LRP1B: variants seen among roughly 807,000 people sequenced by gnomAD.
The protein encoded by LRP1B is LDL receptor related protein 1B, also known as low-density lipoprotein receptor-related protein 1B.
LRP1B carries 217 observed loss-of-function variants against 556.6 expected under a neutral mutation model. The observed-to-expected ratio is 0.39, with a 90% CI of 0.35 to 0.44. The LOEUF (loss-of-function observed/expected upper bound fraction) is 0.44. Among genes scored for constraint, LRP1B ranks in the 20% least tolerant of loss-of-function variants. The pLI is 1.00. For missense variants in LRP1B, 5,053 were observed against 5,620.8 expected (o/e 0.90, Z 3.23); for synonymous variants, 2,047 against 1,865.8 (o/e 1.10, Z -2.50).
In LRP1B at chr2:140,271,870, C is replaced by T. The variant is rs1337434243; in HGVS notation, c.13143-1524G>A. ...GAGGGACTTTTACTTGTCCTCCATG[C>T]CCAGCCTCTTTGAAAATAATAAAGT... On this transcript the variant is annotated intron_variant, in intron 85 of 90. Coordinates refer to ENST00000389484, the MANE Select transcript of LRP1B (RefSeq NM_018557.3). 4.6e-5 allele frequency among the ~76,000 whole-genome samples: 7 copies of T among 151,740 alleles called. No individual in the cohort carries two copies. The South Asian group carries it at 6.2e-4, about 13-fold the overall frequency.
intron 7 of LRP1B, among the ~76,000 whole-genome samples, chr2:141,114,447 G>C (rs939451914): frequency 6.6e-6 from 1 of 152,116 alleles, no homozygotes; most frequent in African/African-American, 2.4e-5. Context: ...AGGGAAGCTG[G>C]AAAGGGGATG....
intron 3 of LRP1B, among the ~76,000 whole-genome samples, chr2:141,455,223 C>T (rs544518880): frequency 1.3e-5 from 2 of 151,492 alleles, no homozygotes; most frequent in South Asian, 4.2e-4. Flanking sequence ...TGATGTCTAC[C>T]TATCTGAATA....
chr2:140,619,927 T>C (rs114173835), intron 41 of LRP1B, among the ~76,000 whole-genome samples: 6,262 of 152,262 alleles, frequency 0.041, 180 homozygotes, highest in Middle Eastern at 0.082. Flanking sequence ...TAAATAACTA[T>C]TGTATGCCTT....
chr2:141,732,075 C>G (rs1693293955), intron 2 of LRP1B, among the ~76,000 whole-genome samples: 1 of 152,098 alleles, frequency 6.6e-6, no homozygotes, highest in African/African-American at 2.4e-5. Flanking sequence ...TTCAAGGTAA[C>G]CTCATCAACT....
At chr2:141,950,010 G>T (rs2105031697) in intron 1 of LRP1B, among the ~76,000 whole-genome samples, 1 of 152,266 alleles carries the variant, frequency 6.6e-6, no homozygotes, top group South Asian at 2.1e-4. Flanking sequence ...AGAGTTAATA[G>T]ATTGCTAAGG....
At chr2:141,136,853 T>G (rs1021582462) in intron 7 of LRP1B, among the ~76,000 whole-genome samples, 1 of 151,846 alleles carries the variant, frequency 6.6e-6, no homozygotes, top group African/African-American at 2.4e-5. Flanking sequence ...GAGAAGTACA[T>G]GACATGAAGA....
chr2:141,042,876 A>T (rs1308490336), intron 11 of LRP1B, among the ~76,000 whole-genome samples: 2 of 151,868 alleles, frequency 1.3e-5, no homozygotes, highest in Non-Finnish European at 2.9e-5. Flanking sequence ...TAGAGGTCAA[A>T]TTTTGTACTC....
intron 7 of LRP1B, among the ~76,000 whole-genome samples, chr2:141,096,619 G>GGGGAGAGGGAGAGGGAGAGGGAGA (rs1181659892): frequency 5.9e-5 from 2 of 33,996 alleles, no homozygotes; most frequent in African/African-American, 2.1e-4. Flanking sequence ...TGACAAAGAC[G>GGGGAGAGGGAGAGGGAGAGGGAGA]GGGAGAGGGG....
intron 3 of LRP1B, among the ~76,000 whole-genome samples, chr2:141,385,236 AAG>A (rs1277514095): frequency 3.3e-5 from 5 of 152,250 alleles, no homozygotes; most frequent in African/African-American, 1.2e-4. Flanking sequence ...GAAGAGAATC[AAG>A]AGTACACTAC....
chr2:141,068,398 G>A (rs1165636298), intron 7 of LRP1B, among the ~76,000 whole-genome samples: 4 of 151,778 alleles, frequency 2.6e-5, no homozygotes, highest in East Asian at 2.0e-4. Flanking sequence ...TTGAGGAGGC[G>A]GTGTCTGATT....
At chr2:141,352,095 T>A (rs1396523639) in intron 3 of LRP1B, among the ~76,000 whole-genome samples, 1 of 151,976 alleles carries the variant, frequency 6.6e-6, no homozygotes, top group Non-Finnish European at 1.5e-5. Flanking sequence ...AATAATCTAA[T>A]AATTTTGCAC....
chr2:141,683,436 C>G (rs1691174782), intron 2 of LRP1B, among the ~76,000 whole-genome samples: 1 of 151,972 alleles, frequency 6.6e-6, no homozygotes. Context: ...CTGCTGAGAG[C>G]TCAGAAGGAA....
intron 2 of LRP1B, among the ~76,000 whole-genome samples, chr2:141,739,534 C>T (rs1236925661): frequency 3.3e-5 from 5 of 151,998 alleles, no homozygotes; most frequent in Admixed American, 1.3e-4. Flanking sequence ...ACTTTGACTC[C>T]CAGCAAATAG....
intron 7 of LRP1B, among the ~76,000 whole-genome samples, chr2:141,077,108 C>T (rs934784978): frequency 2.6e-5 from 4 of 151,970 alleles, no homozygotes; most frequent in African/African-American, 7.3e-5. Context: ...ATTAGCCAGG[C>T]GTGGCAGCGT....
intron 3 of LRP1B, among the ~76,000 whole-genome samples, chr2:141,435,388 T>C (rs560029736): frequency 6.6e-5 from 10 of 152,284 alleles, no homozygotes; most frequent in South Asian, 2.1e-4. Context: ...TATTAAACTT[T>C]TGGCTGCTCT....
intron 7 of LRP1B, among the ~76,000 whole-genome samples, chr2:141,117,112 A>G (rs889447907): frequency 4.6e-5 from 7 of 151,972 alleles, no homozygotes; most frequent in Non-Finnish European, 7.4e-5. Flanking sequence ...TTCATTTATC[A>G]TTGACTTTTG....
intron 43 of LRP1B, among the ~76,000 whole-genome samples, chr2:140,583,171 C>CTTTTCTTTTTTTTTTTTTTT (rs1553491151): frequency 2.1e-5 from 1 of 48,026 alleles, no homozygotes; most frequent in African/African-American, 6.2e-5. Flanking sequence ...CCTTTTTTTT[C>CTTTTCTTTTTTTTTTTTTTT]TTTTTTTTTT....
chr2:141,734,983 TATGG>T (rs1693410123), intron 2 of LRP1B, among the ~76,000 whole-genome samples: 1 of 152,058 alleles, frequency 6.6e-6, no homozygotes, highest in Non-Finnish European at 1.5e-5. Flanking sequence ...ACCATTGAAA[TATGG>T]TGCTTTCCCT....
In LRP1B at chr2:140,799,482, C is replaced by A. The variant is rs114117948; in HGVS notation, c.5359+14175G>T. ...AATACATTTCTGTTGTTTAATCTAC[C>A]CAGTTTATGGTACTTCGTTAAGGCA... On this transcript the variant is annotated intron_variant, in intron 32 of 90. Coordinates refer to ENST00000389484, the MANE Select transcript of LRP1B (RefSeq NM_018557.3). Among the ~76,000 whole-genome samples the A allele has an allele frequency of 4.6e-3, 702 of 152,212 alleles. 7 individuals are homozygous for A. Among genetic ancestry groups the A allele is most frequent in the African/African-American group, 0.016 (680 of 41,520 alleles).
Sources: gnomAD v4.1 joint callset for allele counts (sites outside exome capture counted in the v4.1 genomes callset) on GRCh38, gnomAD v4.1.1 for gene constraint, MANE v1.5 for transcripts, NCBI Gene and HGNC (gene_info 2026-07-23, HGNC 2026-07-21) for gene names.